The following CHD7 variants were observed in gnomAD, a reference collection of about 807,000 sequenced individuals.
The protein encoded by CHD7 is ATP-dependent chromatin remodeler CHD7.
A neutral mutation model predicts 307.3 loss-of-function variants in CHD7; 24 were observed. The ratio of observed to expected loss-of-function variants is 0.08; its 90% CI spans 0.06 to 0.11. The LOEUF (loss-of-function observed/expected upper bound fraction) is 0.11, where lower values mean the gene tolerates loss of function less well. Among genes scored for constraint, CHD7 ranks in the 10% least tolerant of loss-of-function variants. CHD7 has a pLI of 1.00. For synonymous variants in CHD7, 1,363 were observed against 1,349.9 expected (o/e 1.01, Z -0.21); for missense variants, 3,106 against 3,727.1 (o/e 0.83, Z 4.34).
rs71245516 is a variant in CHD7 at position 60,714,406 on chromosome 8, GCCCCCCCCCCCCCCC to G, written c.-174-26846_-174-26832del. Among the ~76,000 whole-genome samples, 31 of 17,626 alleles carry G rather than the reference GCCCCCCCCCCCCCCC, an allele frequency of 1.8e-3. 4 individuals are homozygous for G. Among genetic ancestry groups the G allele is most frequent in the South Asian group, 4.9e-3 (2 of 412 alleles). The allele number at this position is 17,626 out of a possible 152,430, so 11.6% of individuals were successfully genotyped here. The stretch of plus-strand genomic sequence containing the variant: ...CTGACAACATGGCGGCCGGGAGAAG[GCCCCCCCCCCCCCCC>G]CCCCCCGCCCCGCACACCGCCAGGC... On this transcript the variant is annotated intron_variant, in intron 1 of 37. Coordinates refer to ENST00000423902, the MANE Select transcript of CHD7 (RefSeq NM_017780.4).
At chr8:60,737,777 C>T (rs1189323154) in intron 1 of CHD7, among the ~76,000 whole-genome samples, 1 of 152,198 alleles carries the variant, frequency 6.6e-6, no homozygotes, top group African/African-American at 2.4e-5. Context: ...TCAGAAGTTA[C>T]CGAGGAGTAT....
intron 1 of CHD7, among the ~76,000 whole-genome samples, chr8:60,692,589 T>G (rs1806252988): frequency 6.6e-6 from 1 of 152,192 alleles, no homozygotes; most frequent in South Asian, 2.1e-4. Context: ...TTAGCATAAT[T>G]TCGTGTAAGA....
At chr8:60,809,736 G>T (rs1433459549) in intron 7 of CHD7, 1 of 146,292 alleles carries the variant, frequency 6.8e-6, no homozygotes, top group African/African-American at 2.6e-5. Flanking sequence ...AGAGCTAAGA[G>T]AAATTAAGAT....
chr8:60,802,802 A>T (rs1240998386), intron 6 of CHD7, among the ~76,000 whole-genome samples: 1 of 152,352 alleles, frequency 6.6e-6, no homozygotes, highest in East Asian at 1.9e-4. Context: ...ACTGCTATTG[A>T]GTGATCCTTG....
chr8:60,713,316 T>C (rs1018967766), intron 1 of CHD7, among the ~76,000 whole-genome samples: 1 of 151,990 alleles, frequency 6.6e-6, no homozygotes, highest in Non-Finnish European at 1.5e-5. Context: ...TTTCGCCATA[T>C]TGGCCAGGCT....
intron 1 of CHD7, among the ~76,000 whole-genome samples, chr8:60,687,962 G>A (rs1451405651): frequency 1.3e-5 from 2 of 152,224 alleles, no homozygotes; most frequent in Non-Finnish European, 2.9e-5. Flanking sequence ...ACAAAGGTGT[G>A]TTAAAAATAC....
chr8:60,848,232 A>G (rs1805297415), intron 23 of CHD7, among the ~76,000 whole-genome samples: 1 of 152,214 alleles, frequency 6.6e-6, no homozygotes, highest in South Asian at 2.1e-4. Flanking sequence ...TAAACTTCAC[A>G]AGCTGCACTA....
At chr8:60,849,808 G>T (rs548214914) in intron 25 of CHD7, among the ~76,000 whole-genome samples, 1 of 152,154 alleles carries the variant, frequency 6.6e-6, no homozygotes, top group Non-Finnish European at 1.5e-5. Context: ...AGTTAGGAGC[G>T]GTGTGTTGTA....
intron 26 of CHD7, 161 bp from the exon 27 acceptor site, chr8:60,850,871 C>T: frequency 2.9e-6 from 2 of 680,610 alleles, no homozygotes; most frequent in East Asian, 2.7e-5. Flanking sequence ...CTCCACCACA[C>T]TGCCATGGCT....
chr8:60,729,483 T>G (rs1355763815), intron 1 of CHD7, among the ~76,000 whole-genome samples: 1 of 152,206 alleles, frequency 6.6e-6, no homozygotes, highest in Non-Finnish European at 1.5e-5. Context: ...ATGATGCAAG[T>G]ATTATCCCTG....
At chr8:60,758,602 T>C (rs1201387119) in intron 2 of CHD7, among the ~76,000 whole-genome samples, 1 of 152,226 alleles carries the variant, frequency 6.6e-6, no homozygotes, top group Non-Finnish European at 1.5e-5. Context: ...AGTGATTGGC[T>C]CACTTTATTT....
At chr8:60,839,648 G>C (rs1306363060) in intron 19 of CHD7, among the ~76,000 whole-genome samples, 1 of 152,200 alleles carries the variant, frequency 6.6e-6, no homozygotes, top group Non-Finnish European at 1.5e-5. Context: ...CCTAATGGGT[G>C]TGAGGTCATA....
chr8:60,741,941 C>T lies in CHD7; in HGVS notation c.509C>T (p.Pro170Leu), dbSNP rs369545523. 4.5e-5 allele frequency: 73 copies of T among 1,613,430 alleles called. No individual in the cohort carries two copies. Among genetic ancestry groups the T allele is most frequent in the African/African-American group, 2.1e-4 (16 of 75,020 alleles). Residue 170 changes from proline (P) to leucine (L), a missense_variant, in exon 2 of 38, where the codon CCG (proline) becomes CTG (leucine). Pro to Leu is a moderately conservative substitution (Grantham distance 98). Around this residue, in one of 10 missense-constraint regions of CHD7, gnomAD observed 998 missense variants for 1,004.5 expected, o/e 0.99. Transcript: ENST00000423902. ...YQQQQPQPQP[P>L]QPAPSGPPAQ... ...CAGCAGCAGCCACAGCCGCAGCCAC[C>T]GCAGCCGGCTCCGTCGGGGCCCCCT...
At chr8:60,820,458 G>A (rs564655753) in intron 9 of CHD7, among the ~76,000 whole-genome samples, 2 of 152,232 alleles carry the variant, frequency 1.3e-5, no homozygotes, top group South Asian at 4.1e-4. Context: ...GGAGTTTAAG[G>A]TTATTTAGAA....
At chr8:60,752,357 G>A (rs1809682187) in intron 2 of CHD7, among the ~76,000 whole-genome samples, 3 of 152,140 alleles carry the variant, frequency 2.0e-5, no homozygotes, top group Non-Finnish European at 4.4e-5. Context: ...CTTAACTTAT[G>A]CCTTTCCTGT....
chr8:60,779,958 A>G (rs1246694083), intron 2 of CHD7, among the ~76,000 whole-genome samples: 1 of 152,256 alleles, frequency 6.6e-6, no homozygotes, highest in East Asian at 1.9e-4. Flanking sequence ...TATGCCTGGC[A>G]CATAGTAGAT....
At chr8:60,708,660 T>A (rs1807129300) in intron 1 of CHD7, among the ~76,000 whole-genome samples, 1 of 152,202 alleles carries the variant, frequency 6.6e-6, no homozygotes, top group African/African-American at 2.4e-5. Flanking sequence ...CTCAGTCGTT[T>A]CCCTCTTCCA....
At chr8:60,718,789 T>C (rs566163853) in intron 1 of CHD7, among the ~76,000 whole-genome samples, 19 of 125,832 alleles carry the variant, frequency 1.5e-4, no homozygotes, top group African/African-American at 7.4e-4. Context: ...CATTCACCAC[T>C]CACTCACTCA....
intron 1 of CHD7, among the ~76,000 whole-genome samples, chr8:60,701,964 C>T (rs1806785877): frequency 1.3e-5 from 2 of 152,174 alleles, no homozygotes; most frequent in African/African-American, 4.8e-5. Context: ...GGCTGTGCCT[C>T]CCTGCAGTGG....
Sources: allele counts gnomAD v4.1 joint callset (sites outside exome capture counted in the v4.1 genomes callset), GRCh38; gene constraint gnomAD v4.1.1; regional missense constraint gnomAD v4.1.1; transcripts MANE v1.5; gene names NCBI Gene and HGNC (gene_info 2026-07-23, HGNC 2026-07-21).